Variants in CTNNA2 observed in about 807,000 individuals in gnomAD.
CTNNA2 encodes the protein catenin alpha 2, also known as catenin alpha-2.
In CTNNA2, 42 loss-of-function variants were observed where a neutral mutation model predicts 101.0. The ratio of observed to expected loss-of-function variants is 0.42; its 90% CI spans 0.32 to 0.54. The LOEUF is 0.54. Ranked by LOEUF, CTNNA2 falls within the 20% of genes least tolerant of loss-of-function variation. The pLI, the probability that CTNNA2 is intolerant of heterozygous loss-of-function variation, is 0.14. For missense variants in CTNNA2, 871 were observed against 1,223.1 expected, an observed-to-expected ratio of 0.71 and a Z score of 4.29; for synonymous variants, 450 against 456.4, an observed-to-expected ratio of 0.99 and a Z score of 0.18.
At chr2:80,176,850 G>T (rs969373572) in intron 7 of CTNNA2, among the ~76,000 whole-genome samples, 5 of 152,136 alleles carry the variant, frequency 3.3e-5, no homozygotes. Context: ...GCCCAAAGTG[G>T]CCAAGTGGCA....
chr2:79,478,540 T>C (rs1671076616), intron 4 of CTNNA2, among the ~76,000 whole-genome samples: 1 of 152,082 alleles, frequency 6.6e-6, no homozygotes, highest in African/African-American at 2.4e-5. Context: ...ATAACCATGA[T>C]TAGGTTGGGG....
At chr2:79,754,570 G>A (rs766643873) in intron 3 of CTNNA2, among the ~76,000 whole-genome samples, 4 of 152,094 alleles carry the variant, frequency 2.6e-5, no homozygotes, top group Non-Finnish European at 5.9e-5. Context: ...AGCACTTTCC[G>A]CAGGGGTCAG....
At chr2:79,730,874 T>C (rs1687154844) in intron 2 of CTNNA2, among the ~76,000 whole-genome samples, 1 of 151,856 alleles carries the variant, frequency 6.6e-6, no homozygotes, top group African/African-American at 2.4e-5. Flanking sequence ...AAAAAACAAA[T>C]TTAGTGGTTA....
intron 18 of CTNNA2, among the ~76,000 whole-genome samples, chr2:80,629,182 C>T (rs770396411): frequency 1.9e-4 from 29 of 151,978 alleles, no homozygotes; most frequent in African/African-American, 4.4e-4. Flanking sequence ...TGGTGCCCTC[C>T]GGTTCTTATA....
At chr2:80,007,596 T>C (rs1201851866) in intron 7 of CTNNA2, among the ~76,000 whole-genome samples, 1 of 152,152 alleles carries the variant, frequency 6.6e-6, no homozygotes, top group African/African-American at 2.4e-5. Flanking sequence ...GCCCAAGCCA[T>C]TAGGAAGATG....
chr2:80,577,665 C>T (rs544923976), intron 13 of CTNNA2, among the ~76,000 whole-genome samples: 44 of 127,788 alleles, frequency 3.4e-4, no homozygotes, highest in Admixed American at 5.2e-4. Flanking sequence ...GCCAATCACT[C>T]CTGACTAGGG....
At chr2:79,703,363 A>G (rs79148834) in intron 2 of CTNNA2, among the ~76,000 whole-genome samples, 3,704 of 152,258 alleles carry the variant, frequency 0.024, 139 homozygotes, top group African/African-American at 0.083. Flanking sequence ...GATTGTAATA[A>G]GTTGAACTGA....
chr2:79,542,856 GA>G (rs1408432944), intron 1 of CTNNA2, among the ~76,000 whole-genome samples: 3 of 151,802 alleles, frequency 2.0e-5, no homozygotes, highest in Non-Finnish European at 4.4e-5. Context: ...TTAATGTCCT[GA>G]TTTTTTTCAC....
intron 11 of CTNNA2, among the ~76,000 whole-genome samples, chr2:80,549,756 C>T (rs1281547746): frequency 1.3e-5 from 2 of 152,122 alleles, no homozygotes; most frequent in East Asian, 3.9e-4. Context: ...TGTAATTGAT[C>T]GCCCCTTCTC....
intron 7 of CTNNA2, among the ~76,000 whole-genome samples, chr2:80,323,504 G>A (rs1678929185): frequency 6.6e-6 from 1 of 151,972 alleles, no homozygotes; most frequent in Non-Finnish European, 1.5e-5. Context: ...TTGTGTGTCA[G>A]GCACTGTCCT....
At chr2:79,309,726 C>T (rs1399914803) in intron 2 of CTNNA2, among the ~76,000 whole-genome samples, 3 of 152,140 alleles carry the variant, frequency 2.0e-5, no homozygotes, top group Admixed American at 6.5e-5. Context: ...CTGATAACAA[C>T]TTAGTTTTCC....
chr2:79,286,428 A>G (rs1573031738), intron 2 of CTNNA2, among the ~76,000 whole-genome samples: 1 of 151,604 alleles, frequency 6.6e-6, no homozygotes, highest in Non-Finnish European at 1.5e-5. Context: ...TTCCTTCAGG[A>G]GCTCTTTTAG....
intron 3 of CTNNA2, among the ~76,000 whole-genome samples, chr2:79,353,518 A>G (rs1427597261): frequency 6.6e-6 from 1 of 152,122 alleles, no homozygotes; most frequent in African/African-American, 2.4e-5. Flanking sequence ...CCATTTGCAT[A>G]TAAGATCTTT....
chr2:80,235,840 T>C (rs1249361579), intron 7 of CTNNA2, among the ~76,000 whole-genome samples: 1 of 152,146 alleles, frequency 6.6e-6, no homozygotes, highest in Non-Finnish European at 1.5e-5. Flanking sequence ...AGTTCAGGGG[T>C]ACGTGAGGTT....
intron 3 of CTNNA2, among the ~76,000 whole-genome samples, chr2:79,313,687 C>G (rs1216547900): frequency 1.3e-5 from 2 of 152,086 alleles, no homozygotes; most frequent in Non-Finnish European, 2.9e-5. Flanking sequence ...GAGAGAATGG[C>G]CAAGGGACTC....
chr2:79,785,718 GAC>G (rs1472871861), intron 3 of CTNNA2, among the ~76,000 whole-genome samples: 1 of 152,090 alleles, frequency 6.6e-6, no homozygotes, highest in Non-Finnish European at 1.5e-5. Flanking sequence ...AGAAGTGCCT[GAC>G]ACACAGCTAG....
At chr2:80,301,642 G>T (rs1178299903) in intron 7 of CTNNA2, among the ~76,000 whole-genome samples, 1 of 152,132 alleles carries the variant, frequency 6.6e-6, no homozygotes, top group African/African-American at 2.4e-5. Context: ...AATATAAAGG[G>T]TCTTGCAGTT....
intron 4 of CTNNA2, among the ~76,000 whole-genome samples, chr2:79,466,113 G>A (rs940846177): frequency 6.6e-6 from 1 of 152,154 alleles, no homozygotes; most frequent in African/African-American, 2.4e-5. Flanking sequence ...AAGTGCAAGG[G>A]GTCAGGGAAT....
At chr2:79,342,165 A>C (rs1254435921) in intron 3 of CTNNA2, among the ~76,000 whole-genome samples, 1 of 152,244 alleles carries the variant, frequency 6.6e-6, no homozygotes, top group Admixed American at 6.5e-5. Flanking sequence ...ACATTAGCTA[A>C]TACTCACATG....
Sources: allele counts gnomAD v4.1 joint callset (sites outside exome capture counted in the v4.1 genomes callset), GRCh38; gene constraint gnomAD v4.1.1; transcripts MANE v1.5; gene names NCBI Gene and HGNC (gene_info 2026-07-23, HGNC 2026-07-21).